KATNAL2: variants seen among roughly 807,000 people sequenced by gnomAD.
The protein encoded by KATNAL2 is katanin p60 ATPase-containing subunit A-like 2.
A neutral mutation model predicts 76.3 loss-of-function variants in KATNAL2; 52 were observed. That is an observed-to-expected ratio of 0.68 (90% CI 0.55 to 0.86). KATNAL2 has a LOEUF of 0.86. KATNAL2 is among the 40% of genes least tolerant of loss of function. The probability of loss-of-function intolerance (pLI) is 0.00; values close to 1 mark genes in which losing one functional copy is unlikely to be tolerated. For synonymous variants in KATNAL2, 243 were observed against 244.2 expected, an observed-to-expected ratio of 1.00 and a Z score of 0.05; for missense variants, 660 against 668.9, an observed-to-expected ratio of 0.99 and a Z score of 0.15.
intron 3 of KATNAL2, chr18:47,033,491 C>G (rs1413722727): frequency 6.2e-7 from 1 of 1,614,038 alleles, no homozygotes; most frequent in Non-Finnish European, 8.5e-7. Context: ...TCCTTGAAGT[C>G]CTGGAAACAA....
At chr18:47,090,504 A>G (rs1401447883) in intron 15 of KATNAL2, among the ~76,000 whole-genome samples, 2 of 152,170 alleles carry the variant, frequency 1.3e-5, no homozygotes, top group East Asian at 3.9e-4. Flanking sequence ...GGCCTCTGGA[A>G]ACTGGCAATC....
intron 1 of KATNAL2, among the ~76,000 whole-genome samples, chr18:46,922,751 C>T (rs2058608028): frequency 6.6e-6 from 1 of 151,830 alleles, no homozygotes; most frequent in South Asian, 2.1e-4. Flanking sequence ...GAGTGGAGAT[C>T]ATGCCATTGC....
chr18:46,957,037 C>CAAA (rs71264809), intron 3 of KATNAL2, among the ~76,000 whole-genome samples: 39 of 104,850 alleles, frequency 3.7e-4, no homozygotes, highest in African/African-American at 1.2e-3. Flanking sequence ...AACTCCGTCT[C>CAAA]AAAAAAAAAA....
At chr18:46,953,674 T>C (rs1311859876) in intron 3 of KATNAL2, among the ~76,000 whole-genome samples, 4 of 152,058 alleles carry the variant, frequency 2.6e-5, no homozygotes, top group African/African-American at 9.7e-5. Context: ...GCAAGATCAC[T>C]TGGGACCGGC....
intron 3 of KATNAL2, among the ~76,000 whole-genome samples, chr18:46,957,848 C>A (rs4890700): frequency 0.44 from 67,042 of 151,836 alleles, 14,883 homozygotes; most frequent in Middle Eastern, 0.52. Flanking sequence ...AGGCGTGAGC[C>A]ACCGCGCCCA....
chr18:47,031,569 T>G (rs2060447034), intron 3 of KATNAL2, among the ~76,000 whole-genome samples: 1 of 152,068 alleles, frequency 6.6e-6, no homozygotes, highest in Admixed American at 6.6e-5. Flanking sequence ...ATAGGTAAAT[T>G]TGCTGTGTTT....
At chr18:46,946,003 A>G (rs1302733075) in intron 1 of KATNAL2, 54 bp from the exon 2 acceptor site, 1 of 163,618 alleles carries the variant, frequency 6.1e-6, no homozygotes. Context: ...CTTGCCCTGA[A>G]TGGGAGAAAG....
At chr18:47,034,695 C>A (rs2060674198) in intron 3 of KATNAL2, 1 of 1,613,084 alleles carries the variant, frequency 6.2e-7, no homozygotes, top group African/African-American at 1.3e-5. Flanking sequence ...CGGGTTGCTT[C>A]CCGGGCGCAG....
Position 47,100,902 on chromosome 18 carries a change from T to C in KATNAL2, c.1514T>C (p.Val505Ala), listed in dbSNP as rs750100744. 4 of 1,614,190 alleles carry C rather than the reference T, an allele frequency of 2.5e-6. No individual in the cohort carries two copies. The South Asian group carries it at 3.3e-5, about 13-fold the overall frequency. ...SDLPRIQLDI[V>A]TTADFLDVLT... ...TTACCCAGGATCCAGTTGGATATAGTAACCACTGCCGACTTTCTGGATGTG... is the reference window on the plus strand; with the variant it reads ...TTACCCAGGATCCAGTTGGATATAGCAACCACTGCCGACTTTCTGGATGTG... Residue 505 changes from valine to alanine, a missense_variant, in exon 18 of 18, where the codon GTA (valine) becomes GCA (alanine). By Grantham distance (64) the Val-to-Ala change is moderately conservative. Coordinates refer to ENST00000683218, the MANE Select transcript of KATNAL2 (RefSeq NM_001387690.1).
chr18:46,917,981 TA>T (rs2058185521), intron 1 of KATNAL2, 55 bp downstream of exon 1: 1 of 152,154 alleles, frequency 6.6e-6, no homozygotes, highest in East Asian at 1.9e-4. Flanking sequence ...TTTGAATTGC[TA>T]ATGTCCTGCA....
chr18:46,923,017 ACTT>A (rs2058618097), intron 1 of KATNAL2, among the ~76,000 whole-genome samples: 1 of 146,268 alleles, frequency 6.8e-6, no homozygotes, highest in Non-Finnish European at 1.5e-5. Flanking sequence ...AACATACAGA[ACTT>A]TTTTTTTTTA....
At chr18:47,041,032 G>T (rs1243109354) in intron 3 of KATNAL2, among the ~76,000 whole-genome samples, 1 of 152,162 alleles carries the variant, frequency 6.6e-6, no homozygotes, top group Non-Finnish European at 1.5e-5. Context: ...TGACAAATTA[G>T]TCACTGCTTT....
intron 12 of KATNAL2, 64 bp downstream of exon 12, chr18:47,069,347 T>G: frequency 6.9e-7 from 1 of 1,445,000 alleles, no homozygotes; most frequent in Non-Finnish European, 9.6e-7. Context: ...AGTTGCCCCT[T>G]CTGTCCTCAC....
At chr18:47,063,455 G>T in intron 10 of KATNAL2, 94 bp downstream of exon 10, 1 of 895,486 alleles carries the variant, frequency 1.1e-6, no homozygotes, top group South Asian at 1.7e-5. Context: ...CAATAAATAT[G>T]ATCATTTATT....
chr18:47,069,016 G>T (rs1000168929), intron 11 of KATNAL2, among the ~76,000 whole-genome samples: 1 of 152,104 alleles, frequency 6.6e-6, no homozygotes, highest in Non-Finnish European at 1.5e-5. Context: ...AAATTGTCAG[G>T]CATTCTAATC....
intron 8 of KATNAL2, 138 bp from the exon 9 acceptor site, chr18:47,062,834 G>T: frequency 1.7e-6 from 1 of 573,030 alleles, no homozygotes; most frequent in Non-Finnish European, 3.0e-6. Context: ...TACTAGTGCT[G>T]GTTCTTTTTA....
In KATNAL2 at chr18:47,031,496, G is replaced by C. The variant is rs970639759; in HGVS notation, c.52-14961G>C. Among the ~76,000 whole-genome samples the C allele has an allele frequency of 3.9e-5, 6 of 152,048 alleles. No homozygotes were observed. The East Asian group carries it at 5.8e-4, about 15-fold the overall frequency. ...AGAAAATCATTATGCCCTGAGAATC[G>C]GGGAATGGGGATTCGGGTGTTAAGC... On this transcript the variant is annotated intron_variant, in intron 3 of 17. Coordinates refer to ENST00000683218, the MANE Select transcript of KATNAL2 (RefSeq NM_001387690.1).
chr18:47,046,413 G>A, intron 3 of KATNAL2, 44 bp from the exon 4 acceptor site: 1 of 1,322,320 alleles, frequency 7.6e-7, no homozygotes. Context: ...TAGGAGCAGT[G>A]TTATTTTTTG....
intron 1 of KATNAL2, among the ~76,000 whole-genome samples, chr18:46,919,048 A>AAC (rs1301080111): frequency 2.0e-5 from 3 of 151,316 alleles, no homozygotes; most frequent in African/African-American, 4.9e-5. Context: ...ATATATACAC[A>AAC]ACACACACAC....
Sources: gnomAD v4.1 joint callset for allele counts (sites outside exome capture counted in the v4.1 genomes callset) on GRCh38, gnomAD v4.1.1 for gene constraint, MANE v1.5 for transcripts, NCBI Gene and HGNC (gene_info 2026-07-23, HGNC 2026-07-21) for gene names.